The following DDR2 variants were observed in gnomAD, a reference collection of about 807,000 sequenced individuals.
DDR2 encodes the protein discoidin domain receptor tyrosine kinase 2.
A neutral mutation model predicts 94.9 loss-of-function variants in DDR2; 27 were observed. That is an observed-to-expected ratio of 0.28 (90% confidence interval 0.21 to 0.39). The LOEUF (loss-of-function observed/expected upper bound fraction) is 0.39. Ranked by LOEUF, DDR2 falls within the 10% of genes least tolerant of loss-of-function variation. DDR2 has a pLI of 1.00. For missense variants in DDR2, 783 were observed against 1,076.0 expected, an observed-to-expected ratio of 0.73 and a Z score of 3.81; for synonymous variants, 382 against 377.2, an observed-to-expected ratio of 1.01 and a Z score of -0.15.
intron 1 of DDR2, among the ~76,000 whole-genome samples, chr1:162,651,475 A>G (rs1244530146): frequency 6.6e-6 from 1 of 152,208 alleles, no homozygotes; most frequent in Non-Finnish European, 1.5e-5. Flanking sequence ...TCTTTAGGGA[A>G]CACTCAACTG....
chr1:162,694,564 G>T (rs6672028), intron 2 of DDR2, among the ~76,000 whole-genome samples: 6,324 of 151,968 alleles, frequency 0.042, 432 homozygotes, highest in African/African-American at 0.15. Flanking sequence ...TCGTTGCCCC[G>T]TCATATCATT....
chr1:162,727,107 AAC>A (rs1281561754), intron 3 of DDR2, among the ~76,000 whole-genome samples: 1 of 138,046 alleles, frequency 7.2e-6, no homozygotes, highest in East Asian at 2.0e-4. Flanking sequence ...TTAAAATATA[AAC>A]ATATATTTAT....
intron 2 of DDR2, among the ~76,000 whole-genome samples, chr1:162,712,313 G>A (rs1260261521): frequency 5.3e-5 from 8 of 150,934 alleles, no homozygotes; most frequent in African/African-American, 2.0e-4. Flanking sequence ...AACTGTGTCA[G>A]GCAGAATGTT....
upstream of DDR2, chr1:162,631,881 T>G (rs1656574309): frequency 6.6e-6 from 1 of 151,474 alleles, no homozygotes; most frequent in African/African-American, 2.4e-5. Flanking sequence ...TGGAAAAAAA[T>G]AGGAATCCTG....
Position 162,781,820 on chromosome 1 carries a change from A to T in DDR2, c.*1574A>T, listed in dbSNP as rs938954369. On this transcript the variant is annotated 3_prime_UTR_variant, in exon 18 of 18. Coordinates refer to ENST00000367921, the MANE Select transcript of DDR2 (RefSeq NM_006182.4). ...AAGGAACTCTTAATTCCAATTGAGG[A>T]GAAACAAGAAAACATTACAAATCAG... The T allele has an allele frequency of 6.6e-6, 1 of 152,228 alleles. No individual in the cohort carries two copies. The highest frequency in any genetic ancestry group is 2.4e-5 in the African/African-American group (1 of 41,450). The allele number at this position is 152,228 out of a possible 1,614,324, so 9.4% of individuals were successfully genotyped here.
intron 17 of DDR2, 47 bp from the exon 18 acceptor site, chr1:162,780,065 T>TTCTC (rs555765842): frequency 2.5e-6 from 4 of 1,577,898 alleles, no homozygotes; most frequent in Admixed American, 1.7e-5. Flanking sequence ...CTTTGTAATA[T>TTCTC]TCTCTCTCTC....
intron 2 of DDR2, among the ~76,000 whole-genome samples, chr1:162,704,783 G>A (rs898434326): frequency 2.6e-4 from 39 of 152,242 alleles, no homozygotes; most frequent in African/African-American, 8.7e-4. Context: ...GGAATTTTGG[G>A]GGAACACACA....
intron 16 of DDR2, chr1:162,777,820 T>G (rs774958251): frequency 6.6e-6 from 1 of 152,440 alleles, no homozygotes; most frequent in Non-Finnish European, 1.5e-5. Flanking sequence ...CTATGACAAT[T>G]GGGTGTCCTC....
At chr1:162,724,311 C>A (rs557561190) in intron 3 of DDR2, among the ~76,000 whole-genome samples, 2 of 152,304 alleles carry the variant, frequency 1.3e-5, no homozygotes, top group Admixed American at 1.3e-4. Flanking sequence ...TTCCTTTCTG[C>A]AACCAACTTC....
intron 1 of DDR2, among the ~76,000 whole-genome samples, chr1:162,653,317 C>T (rs1007077160): frequency 5.3e-5 from 8 of 152,164 alleles, no homozygotes; most frequent in African/African-American, 1.9e-4. Flanking sequence ...TGGCTTGTGC[C>T]TGTAATCCCA....
chr1:162,765,243 A>C (rs1571309716), intron 9 of DDR2, among the ~76,000 whole-genome samples: 1 of 152,170 alleles, frequency 6.6e-6, no homozygotes, highest in African/African-American at 2.4e-5. Flanking sequence ...TAATAATATT[A>C]GTTTTCACCG....
chr1:162,752,060 G>A (rs1296345046), intron 3 of DDR2, among the ~76,000 whole-genome samples: 3 of 151,910 alleles, frequency 2.0e-5, no homozygotes, highest in Non-Finnish European at 4.4e-5. Context: ...ACGAGTTAAT[G>A]GGTGCAGCAC....
At chr1:162,667,598 T>C (rs1461734098) in intron 2 of DDR2, among the ~76,000 whole-genome samples, 1 of 152,164 alleles carries the variant, frequency 6.6e-6, no homozygotes, top group East Asian at 1.9e-4. Flanking sequence ...AGGATATTAT[T>C]TGGAAGAAAT....
At chr1:162,730,866 C>T (rs767567087) in intron 3 of DDR2, among the ~76,000 whole-genome samples, 12 of 152,144 alleles carry the variant, frequency 7.9e-5, no homozygotes, top group Non-Finnish European at 1.3e-4. Flanking sequence ...ACTGCATGCT[C>T]GAGGGATACC....
chr1:162,767,715 G>A (rs981857057), intron 11 of DDR2, among the ~76,000 whole-genome samples: 7 of 151,962 alleles, frequency 4.6e-5, no homozygotes, highest in African/African-American at 1.7e-4. Flanking sequence ...ATGCACATTC[G>A]AGGTTAAGAA....
upstream of DDR2, chr1:162,632,008 T>C (rs1001438534): frequency 2.0e-5 from 3 of 151,654 alleles, no homozygotes; most frequent in African/African-American, 7.3e-5. Flanking sequence ...ATACTAAAGG[T>C]CAGCTCCGCG....
chr1:162,746,721 T>C (rs1662887223), intron 3 of DDR2, among the ~76,000 whole-genome samples: 1 of 152,164 alleles, frequency 6.6e-6, no homozygotes, highest in Non-Finnish European at 1.5e-5. Flanking sequence ...CACCTCCCAG[T>C]AGGGGCCTAC....
At chr1:162,637,364 C>T (rs1656877614) in intron 1 of DDR2, among the ~76,000 whole-genome samples, 3 of 151,896 alleles carry the variant, frequency 2.0e-5, no homozygotes, top group Non-Finnish European at 2.9e-5. Context: ...GGTGTTATGC[C>T]ATAAATAGGA....
intron 17 of DDR2, 127 bp downstream of exon 17, chr1:162,778,856 TA>T: frequency 7.9e-7 from 1 of 1,269,080 alleles, no homozygotes; most frequent in Non-Finnish European, 1.1e-6. Context: ...TCTTTGTCAC[TA>T]ACTATCCAGA....
Sources: gnomAD v4.1 joint callset for allele counts (sites outside exome capture counted in the v4.1 genomes callset) on GRCh38, gnomAD v4.1.1 for gene constraint, MANE v1.5 for transcripts, NCBI Gene and HGNC (gene_info 2026-07-23, HGNC 2026-07-21) for gene names.